The following CHD9 variants were observed in gnomAD, a reference collection of about 807,000 sequenced individuals.
CHD9 encodes chromodomain helicase DNA binding protein 9, also known as ATP-dependent chromatin remodeler CHD9.
CHD9 carries 77 observed loss-of-function variants against 316.1 expected under a neutral mutation model. The observed-to-expected ratio is 0.24, with a 90% CI of 0.20 to 0.29. The LOEUF (loss-of-function observed/expected upper bound fraction) is 0.29. Ranked by LOEUF, CHD9 falls within the 10% of genes least tolerant of loss-of-function variation. The pLI, the probability that CHD9 is intolerant of heterozygous loss-of-function variation, is 1.00. For missense variants in CHD9, 2,763 were observed against 3,438.1 expected, an observed-to-expected ratio of 0.80 and a Z score of 4.91; for synonymous variants, 1,129 against 1,158.3, an observed-to-expected ratio of 0.97 and a Z score of 0.51.
chr16:53,076,062 T>C (rs1475380936), intron 1 of CHD9, among the ~76,000 whole-genome samples: 1 of 152,210 alleles, frequency 6.6e-6, no homozygotes, highest in Non-Finnish European at 1.5e-5. Flanking sequence ...TATATCTTCT[T>C]TGGAGAAATA....
At chr16:53,134,338 A>G (rs1417924082) in intron 1 of CHD9, among the ~76,000 whole-genome samples, 1 of 152,206 alleles carries the variant, frequency 6.6e-6, no homozygotes, top group Non-Finnish European at 1.5e-5. Context: ...AACGTGGGAT[A>G]TAGATTTCTT....
At chr16:53,263,893 G>A (rs2051387035) in intron 20 of CHD9, among the ~76,000 whole-genome samples, 1 of 152,034 alleles carries the variant, frequency 6.6e-6, no homozygotes. Flanking sequence ...ACAAGTAGTG[G>A]GGTCTGCAAA....
At chr16:53,065,778 C>G (rs2033446840) in intron 1 of CHD9, among the ~76,000 whole-genome samples, 2 of 151,844 alleles carry the variant, frequency 1.3e-5, no homozygotes, top group Non-Finnish European at 2.9e-5. Flanking sequence ...CAAAGACTTG[C>G]TCTTTGGTAC....
At chr16:53,276,643 C>A (rs1189668954) in intron 24 of CHD9, among the ~76,000 whole-genome samples, 1 of 152,140 alleles carries the variant, frequency 6.6e-6, no homozygotes, top group Non-Finnish European at 1.5e-5. Flanking sequence ...TTTCTTCTTA[C>A]CTTTTAAGGA....
At chr16:53,274,149 C>T in intron 23 of CHD9, 64 bp from the exon 24 acceptor site, 1 of 964,936 alleles carries the variant, frequency 1.0e-6, no homozygotes, top group Non-Finnish European at 1.6e-6. Flanking sequence ...ATTTTAACCC[C>T]ATGTCCGAAT....
chr16:53,083,870 C>A (rs1032157757), intron 1 of CHD9, among the ~76,000 whole-genome samples: 1 of 152,094 alleles, frequency 6.6e-6, no homozygotes, highest in African/African-American at 2.4e-5. Context: ...CCCACCTCAG[C>A]TTGCCAAGTA....
chr16:53,092,755 C>T (rs895174126), intron 1 of CHD9, among the ~76,000 whole-genome samples: 10 of 152,032 alleles, frequency 6.6e-5, no homozygotes, highest in Admixed American at 6.6e-4. Flanking sequence ...TCCAGAGGCA[C>T]CTGCACCTTT....
chr16:53,188,884 A>C (rs1048131865), intron 2 of CHD9, among the ~76,000 whole-genome samples: 1 of 151,778 alleles, frequency 6.6e-6, no homozygotes, highest in African/African-American at 2.4e-5. Flanking sequence ...CGTGCCTAGC[A>C]TTGTATCTTT....
intron 24 of CHD9, among the ~76,000 whole-genome samples, chr16:53,281,303 C>T (rs946445942): frequency 2.6e-5 from 4 of 152,132 alleles, no homozygotes; most frequent in Non-Finnish European, 5.9e-5. Flanking sequence ...TACAAGCCTT[C>T]TCCATCCTAG....
intron 37 of CHD9, 25 bp downstream of exon 37, chr16:53,318,365 C>G: frequency 6.5e-7 from 1 of 1,549,802 alleles, no homozygotes; most frequent in Non-Finnish European, 8.8e-7. Context: ...TTTTCTTAAT[C>G]TTTTGTATTG....
rs1221591863 is a variant in CHD9, at chr16:53,227,580, A to G, written c.2145A>G (p.Glu715=). 1 of 1,359,416 alleles carries G rather than the reference A, an allele frequency of 7.4e-7. No homozygotes were observed. The highest frequency in any genetic ancestry group is 2.8e-5 in the Admixed American group (1 of 35,306). 84.2% of individuals were successfully genotyped at this position (1,359,416 alleles called of 1,614,324 possible). Residue 715 remains glutamate (E), a synonymous_variant, in exon 7 of 39, where the codon GAA becomes GAG. Coordinates refer to ENST00000447540, the MANE Select transcript of CHD9 (RefSeq NM_001308319.2). ...ISPGVMIDTE[E]FFVKYKNYSY... is the part of the protein sequence containing the mutation. The stretch of plus-strand genomic sequence containing the variant: ...CTGGAGTGATGATTGATACAGAAGA[A>G]TTTTTTGTAAAATACAAGAATTAGT...
chr16:53,225,942 T>C (rs1400898305), intron 4 of CHD9, among the ~76,000 whole-genome samples: 1 of 152,086 alleles, frequency 6.6e-6, no homozygotes, highest in African/African-American at 2.4e-5. Context: ...AAATATTTAT[T>C]GCCCAAGTTA....
At chr16:53,076,222 A>G (rs2034510677) in intron 1 of CHD9, among the ~76,000 whole-genome samples, 1 of 152,102 alleles carries the variant, frequency 6.6e-6, no homozygotes, top group African/African-American at 2.4e-5. Context: ...CTCTGTTGAT[A>G]TTGTCTTTTT....
intron 16 of CHD9, among the ~76,000 whole-genome samples, 159 bp from the exon 17 acceptor site, chr16:53,249,712 A>T (rs2049972891): frequency 6.6e-6 from 1 of 152,206 alleles, no homozygotes; most frequent in East Asian, 1.9e-4. Context: ...TAACACCAAC[A>T]CCAAAAAGTA....
intron 2 of CHD9, among the ~76,000 whole-genome samples, chr16:53,190,278 T>G (rs1285194189): frequency 6.6e-6 from 1 of 152,146 alleles, no homozygotes; most frequent in Non-Finnish European, 1.5e-5. Flanking sequence ...TAAAATGGGT[T>G]TTGAAAGATA....
chr16:53,235,313 A>G lies in CHD9; in HGVS notation c.2633+7A>G. 1 of 1,510,230 alleles carries G rather than the reference A, an allele frequency of 6.6e-7. No homozygotes were observed. The highest frequency in any genetic ancestry group is 8.9e-7 in the Non-Finnish European group (1 of 1,129,264). The allele number at this position is 1,510,230 out of a possible 1,614,324, so 93.6% of individuals were successfully genotyped here. The stretch of plus-strand genomic sequence containing the variant: ...TGTTCAATTGGTACAATAGGTATGT[A>G]GTATATCTTAATAAAAAAAATTTAT... On this transcript the variant is annotated splice_region_variant and intron_variant, in intron 11 of 38. Coordinates refer to ENST00000447540, the MANE Select transcript of CHD9 (RefSeq NM_001308319.2).
chr16:53,086,706 A>T (rs1480039397), intron 1 of CHD9, among the ~76,000 whole-genome samples: 3 of 152,218 alleles, frequency 2.0e-5, no homozygotes, highest in African/African-American at 7.2e-5. Context: ...TTATCCTTTT[A>T]AAAATTACTA....
intron 20 of CHD9, among the ~76,000 whole-genome samples, 179 bp downstream of exon 20, chr16:53,263,276 CTCCCAT>C (rs2051322145): frequency 6.6e-6 from 1 of 152,152 alleles, no homozygotes; most frequent in Non-Finnish European, 1.5e-5. Flanking sequence ...CATCTAATAT[CTCCCAT>C]GATGGGTTAT....
chr16:53,131,153 T>G (rs762163430), intron 1 of CHD9: 5 of 140,900 alleles, frequency 3.5e-5, no homozygotes, highest in South Asian at 4.4e-4. Flanking sequence ...GCTCAACTGG[T>G]GGGGAGATGC....
Sources: allele counts gnomAD v4.1 joint callset (sites outside exome capture counted in the v4.1 genomes callset), GRCh38; gene constraint gnomAD v4.1.1; transcripts MANE v1.5; gene names NCBI Gene and HGNC (gene_info 2026-07-23, HGNC 2026-07-21).